SERPINE2: variants seen among roughly 807,000 people sequenced by gnomAD.
SERPINE2 encodes the protein serpin family E member 2.
A neutral mutation model predicts 36.3 loss-of-function variants in SERPINE2; 14 were observed. The ratio of observed to expected loss-of-function variants is 0.39; its 90% CI spans 0.25 to 0.60. The LOEUF (loss-of-function observed/expected upper bound fraction) is 0.60, where lower values mean the gene tolerates loss of function less well. Among genes scored for constraint, SERPINE2 ranks in the 20% least tolerant of loss-of-function variants. The pLI, the probability that SERPINE2 is intolerant of heterozygous loss-of-function variation, is 0.57. For missense variants in SERPINE2, 418 were observed against 499.6 expected, an observed-to-expected ratio of 0.84 and a Z score of 1.56; for synonymous variants, 192 against 191.8, an observed-to-expected ratio of 1.00 and a Z score of -0.01.
chr2:224,001,156 A>AG (rs1691103720), intron 2 of SERPINE2, among the ~76,000 whole-genome samples: 2 of 151,910 alleles, frequency 1.3e-5, no homozygotes, highest in East Asian at 1.9e-4. Context: ...GGGCTTGGGG[A>AG]GGGGGGTCTG....
intron 5 of SERPINE2, among the ~76,000 whole-genome samples, chr2:223,983,777 A>G (rs985413503): frequency 1.6e-4 from 24 of 147,788 alleles, no homozygotes; most frequent in African/African-American, 6.2e-4. Flanking sequence ...AATGTCAGTT[A>G]CTGTCATCAG....
At chr2:223,976,441 C>T (rs1286093565) in intron 8 of SERPINE2, among the ~76,000 whole-genome samples, 2 of 152,090 alleles carry the variant, frequency 1.3e-5, no homozygotes, top group African/African-American at 4.8e-5. Context: ...CATAAGCCAC[C>T]GCACCCAACC....
At chr2:224,010,181 C>T (rs1312606345) in intron 1 of SERPINE2, among the ~76,000 whole-genome samples, 1 of 152,156 alleles carries the variant, frequency 6.6e-6, no homozygotes, top group East Asian at 1.9e-4. Context: ...ATCAAGGGGA[C>T]AGCAGCTTGG....
intron 3 of SERPINE2, among the ~76,000 whole-genome samples, chr2:223,995,151 A>G (rs1282112966): frequency 6.6e-6 from 1 of 152,174 alleles, no homozygotes; most frequent in Non-Finnish European, 1.5e-5. Context: ...AACATAGAGT[A>G]CAAGGATGAG....
At chr2:223,982,646 T>G in intron 6 of SERPINE2, 35 bp downstream of exon 6, 1 of 1,274,726 alleles carries the variant, frequency 7.8e-7, no homozygotes, top group Non-Finnish European at 1.1e-6. Context: ...TAACACTTTC[T>G]TCAAGTATAC....
rs192625309 is a variant in SERPINE2, at chr2:224,000,882, T to C, written c.259+760A>G. Among the ~76,000 whole-genome samples, 66 of 152,322 alleles carry C rather than the reference T, an allele frequency of 4.3e-4. 1 individual carries two copies. The East Asian group carries it at 9.6e-3, about 22-fold the overall frequency. ...GAACTCACTCTTTTTTATGGCTGCA[T>C]AGTATTCCATGGTGTATATGTGCCA... On this transcript the variant is annotated intron_variant, in intron 2 of 8. Transcript: ENST00000409304.
chr2:224,011,225 G>A (rs934721081), intron 1 of SERPINE2, among the ~76,000 whole-genome samples: 23 of 152,154 alleles, frequency 1.5e-4, no homozygotes. Context: ...CAACCAAGAG[G>A]TGACCCAAGA....
chr2:224,010,654 C>A (rs976456842), intron 1 of SERPINE2, among the ~76,000 whole-genome samples: 1 of 152,196 alleles, frequency 6.6e-6, no homozygotes, highest in African/African-American at 2.4e-5. Context: ...AGGCAAGTCA[C>A]AATCTTCATC....
intron 1 of SERPINE2, among the ~76,000 whole-genome samples, chr2:224,029,365 C>T (rs1692285921): frequency 8.4e-6 from 1 of 118,704 alleles, no homozygotes; most frequent in South Asian, 3.2e-4. Flanking sequence ...AAGTGGATAA[C>T]TGCCAGTAAA....
intron 2 of SERPINE2, among the ~76,000 whole-genome samples, chr2:223,999,960 C>T (rs748105690): frequency 6.6e-6 from 1 of 152,186 alleles, no homozygotes; most frequent in Non-Finnish European, 1.5e-5. Context: ...ATGCTTCCAA[C>T]AGGTGAACAA....
rs1689958323 is a variant in SERPINE2 at position 223,975,242 on chromosome 2, A to C, written c.*625T>G. Reference sequence around the variant, plus strand: ...GGAGTACAGACCAGTAGTGACAGGCACACTGCACAACAGCAACCTTGTCTA... The same window carrying C: ...GGAGTACAGACCAGTAGTGACAGGCCCACTGCACAACAGCAACCTTGTCTA... On this transcript the variant is annotated 3_prime_UTR_variant, in exon 9 of 9. Transcript: ENST00000409304. The C allele has an allele frequency of 6.6e-6, 1 of 152,650 alleles. No homozygotes were observed. Among genetic ancestry groups the C allele is most frequent in the Non-Finnish European group, 1.5e-5 (1 of 68,046 alleles). The allele number at this position is 152,650 out of a possible 1,614,324, so 9.5% of individuals were successfully genotyped here.
intron 1 of SERPINE2, among the ~76,000 whole-genome samples, chr2:224,012,673 G>C (rs1481648061): frequency 1.3e-5 from 2 of 151,864 alleles, no homozygotes; most frequent in African/African-American, 4.8e-5. Context: ...TATCTATATA[G>C]TTATTTCTGA....
At chr2:223,989,141 AT>A (rs1690550503) in intron 4 of SERPINE2, among the ~76,000 whole-genome samples, 1 of 152,216 alleles carries the variant, frequency 6.6e-6, no homozygotes, top group Non-Finnish European at 1.5e-5. Flanking sequence ...ACTAAAAATG[AT>A]TTTAAGGCTT....
intron 1 of SERPINE2, chr2:224,038,515 C>A (rs1423939612): frequency 6.4e-7 from 1 of 1,551,516 alleles, no homozygotes; most frequent in South Asian, 1.2e-5. Context: ...CGCCTCGCAA[C>A]TCCCGTTTCT....
At chr2:224,031,866 A>AC (rs1424653128) in intron 1 of SERPINE2, among the ~76,000 whole-genome samples, 1 of 145,648 alleles carries the variant, frequency 6.9e-6, no homozygotes, top group East Asian at 2.1e-4. Flanking sequence ...CCCGGAGAGG[A>AC]CAACCACAAT....
intron 1 of SERPINE2, among the ~76,000 whole-genome samples, chr2:224,003,383 A>C (rs1691265253): frequency 6.6e-6 from 1 of 152,176 alleles, no homozygotes; most frequent in South Asian, 2.1e-4. Flanking sequence ...AAGGGAGTGA[A>C]TCCCTCGGGT....
chr2:223,987,543 C>T (rs965684021), intron 4 of SERPINE2, among the ~76,000 whole-genome samples: 2 of 152,256 alleles, frequency 1.3e-5, no homozygotes, highest in African/African-American at 4.8e-5. Context: ...AGGGTCATTT[C>T]TGCAGTGTAT....
intron 2 of SERPINE2, among the ~76,000 whole-genome samples, chr2:223,998,670 C>T (rs777614295): frequency 1.6e-4 from 24 of 152,086 alleles, no homozygotes; most frequent in South Asian, 8.3e-4. Flanking sequence ...AAGCCATGAT[C>T]GGGCCCCTGC....
At position 224,037,651 on chromosome 2, in the gene SERPINE2, TCAC is replaced by T. The variant is rs200678148; in HGVS notation, c.-23+1445_-23+1447del. On this transcript the variant is annotated intron_variant, in intron 1 of 8. Coordinates refer to ENST00000409304, the MANE Select transcript of SERPINE2 (RefSeq NM_001136528.2). ...AGATGCACCCAGGGACGTGGCCAGG[TCAC>T]CACCTCATTTCCAACTCTACCACCT... is the stretch of plus-strand genomic sequence containing the variant. Among the ~76,000 whole-genome samples, 919 of 152,282 alleles carry T rather than the reference TCAC, an allele frequency of 6.0e-3. 5 individuals carry two copies. The highest frequency in any genetic ancestry group is 0.021 in the African/African-American group (879 of 41,552).
Sources: allele counts gnomAD v4.1 joint callset (sites outside exome capture counted in the v4.1 genomes callset), GRCh38; gene constraint gnomAD v4.1.1; transcripts MANE v1.5; gene names NCBI Gene and HGNC (gene_info 2026-07-23, HGNC 2026-07-21).